Variants in MAGI1 observed in about 807,000 individuals in gnomAD.
MAGI1 encodes membrane-associated guanylate kinase, WW and PDZ domain-containing protein 1.
Under a neutral mutation model 139.9 loss-of-function variants are expected in MAGI1, and 58 were observed. That is an observed-to-expected ratio of 0.41 (90% CI 0.34 to 0.52). The LOEUF (loss-of-function observed/expected upper bound fraction) is 0.52, where lower values mean the gene tolerates loss of function less well. Among genes scored for constraint, MAGI1 ranks in the 20% least tolerant of loss-of-function variants. MAGI1 has a pLI of 0.12. For synonymous variants in MAGI1, 812 were observed against 737.9 expected, an observed-to-expected ratio of 1.10 and a Z score of -1.63; for missense variants, 1,874 against 1,901.6, an observed-to-expected ratio of 0.99 and a Z score of 0.27.
chr3:65,717,933 C>T (rs1423548844), intron 1 of MAGI1, among the ~76,000 whole-genome samples: 2 of 152,170 alleles, frequency 1.3e-5, no homozygotes, highest in East Asian at 1.9e-4. Context: ...TCACCAAGAG[C>T]AAACAACATA....
intron 2 of MAGI1, among the ~76,000 whole-genome samples, chr3:65,527,734 A>G (rs565391102): frequency 1.3e-5 from 2 of 152,028 alleles, no homozygotes; most frequent in African/African-American, 4.8e-5. Flanking sequence ...CAAAAAATGT[A>G]TATAAAAATA....
At chr3:65,832,682 T>C (rs765435530) in intron 1 of MAGI1, among the ~76,000 whole-genome samples, 1 of 152,080 alleles carries the variant, frequency 6.6e-6, no homozygotes, top group African/African-American at 2.4e-5. Flanking sequence ...GAGCCTCTTA[T>C]TTCTATACCT....
At chr3:65,825,574 G>A (rs1388215499) in intron 1 of MAGI1, among the ~76,000 whole-genome samples, 2 of 114,682 alleles carry the variant, frequency 1.7e-5, no homozygotes, top group African/African-American at 5.3e-5. Context: ...CCATCAAAAG[G>A]GAAATGTTAA....
At chr3:65,894,581 A>G (rs2060894689) in intron 1 of MAGI1, among the ~76,000 whole-genome samples, 2 of 152,200 alleles carry the variant, frequency 1.3e-5, no homozygotes, top group Non-Finnish European at 2.9e-5. Flanking sequence ...TGTTGTTGTA[A>G]TTGAGGATTC....
At chr3:65,631,136 G>A (rs1304682641) in intron 1 of MAGI1, among the ~76,000 whole-genome samples, 1 of 152,210 alleles carries the variant, frequency 6.6e-6, no homozygotes, top group Non-Finnish European at 1.5e-5. Context: ...GAGTGTCTAG[G>A]AAGAAGGACA....
intron 1 of MAGI1, among the ~76,000 whole-genome samples, chr3:65,994,397 T>C (rs2107384743): frequency 6.6e-6 from 1 of 152,230 alleles, no homozygotes; most frequent in East Asian, 1.9e-4. Context: ...ACTTTCAACT[T>C]AGAAATGCTT....
At chr3:65,828,910 G>A (rs927937954) in intron 1 of MAGI1, among the ~76,000 whole-genome samples, 8 of 152,322 alleles carry the variant, frequency 5.3e-5, no homozygotes, top group African/African-American at 1.7e-4. Flanking sequence ...AGAGGGCCAT[G>A]AGTCATGGAA....
intron 1 of MAGI1, among the ~76,000 whole-genome samples, chr3:65,835,577 T>A (rs980493973): frequency 5.3e-5 from 8 of 152,222 alleles, no homozygotes; most frequent in Admixed American, 2.0e-4. Flanking sequence ...ATAAAGGCCA[T>A]TCGTGATAAG....
intron 1 of MAGI1, among the ~76,000 whole-genome samples, chr3:65,732,392 T>C (rs2034281313): frequency 6.6e-6 from 1 of 152,206 alleles, no homozygotes; most frequent in Admixed American, 6.5e-5. Flanking sequence ...AACCTCATCC[T>C]TCCTGCCACA....
chr3:65,588,602 T>C (rs1016310022), intron 2 of MAGI1, among the ~76,000 whole-genome samples: 4 of 152,244 alleles, frequency 2.6e-5, no homozygotes, highest in Admixed American at 1.3e-4. Flanking sequence ...ATCTGTAAAA[T>C]GAGAGGATTG....
intron 1 of MAGI1, among the ~76,000 whole-genome samples, chr3:65,631,659 TA>T (rs2084311015): frequency 6.6e-6 from 1 of 152,208 alleles, no homozygotes; most frequent in Admixed American, 6.5e-5. Flanking sequence ...CTTCCAGCTT[TA>T]TTTTAAATAG....
chr3:65,508,178 C>T (rs1559619714), intron 2 of MAGI1, among the ~76,000 whole-genome samples: 1 of 151,600 alleles, frequency 6.6e-6, no homozygotes, highest in Non-Finnish European at 1.5e-5. Context: ...CCGAGGCGGG[C>T]AGATCACAAG....
At chr3:65,818,090 T>C (rs557461024) in intron 1 of MAGI1, among the ~76,000 whole-genome samples, 1 of 151,920 alleles carries the variant, frequency 6.6e-6, no homozygotes, top group South Asian at 2.1e-4. Context: ...GACTTTCCTT[T>C]GTTAAAGAGA....
At chr3:65,699,682 T>C (rs1185349636) in intron 1 of MAGI1, among the ~76,000 whole-genome samples, 2 of 133,128 alleles carry the variant, frequency 1.5e-5, no homozygotes, top group African/African-American at 5.8e-5. Context: ...AACAATGAGA[T>C]CACATGGACA....
At chr3:65,936,498 T>G (rs1181926063) in intron 1 of MAGI1, among the ~76,000 whole-genome samples, 2 of 151,212 alleles carry the variant, frequency 1.3e-5, no homozygotes, top group South Asian at 4.2e-4. Flanking sequence ...ATTAGCTGGG[T>G]GTGGCTGGTA....
intron 1 of MAGI1, among the ~76,000 whole-genome samples, chr3:65,771,683 A>T (rs916104954): frequency 6.6e-6 from 1 of 152,208 alleles, no homozygotes. Context: ...TCAGCACAAA[A>T]AATTTTGAAA....
At chr3:65,938,414 A>G (rs2063161937) in intron 1 of MAGI1, among the ~76,000 whole-genome samples, 2 of 150,988 alleles carry the variant, frequency 1.3e-5, no homozygotes, top group South Asian at 4.2e-4. Flanking sequence ...ACCTTTAACA[A>G]CAAGCTCTGT....
chr3:65,614,015 T>A (rs1559721769), intron 2 of MAGI1, among the ~76,000 whole-genome samples: 1 of 152,118 alleles, frequency 6.6e-6, no homozygotes, highest in Non-Finnish European at 1.5e-5. Context: ...ATACTTCTTC[T>A]AAACATCAGT....
chr3:65,926,891 A>G (rs1214913854), intron 1 of MAGI1, among the ~76,000 whole-genome samples: 2 of 152,150 alleles, frequency 1.3e-5, no homozygotes, highest in Non-Finnish European at 2.9e-5. Context: ...GCTACTCAAG[A>G]GGCTGAGGCA....
Sources: gnomAD v4.1 joint callset for allele counts (sites outside exome capture counted in the v4.1 genomes callset) on GRCh38, gnomAD v4.1.1 for gene constraint, MANE v1.5 for transcripts, NCBI Gene and HGNC (gene_info 2026-07-23, HGNC 2026-07-21) for gene names.